Variants in ADAMTS17 observed in about 807,000 individuals in gnomAD.
The protein encoded by ADAMTS17 is A disintegrin and metalloproteinase with thrombospondin motifs 17.
ADAMTS17 carries 113 observed loss-of-function variants against 141.5 expected under a neutral mutation model. The ratio of observed to expected loss-of-function variants is 0.80; its 90% CI spans 0.69 to 0.93. The LOEUF (loss-of-function observed/expected upper bound fraction) is 0.93, where lower values mean the gene tolerates loss of function less well. Ranked by LOEUF, ADAMTS17 falls within the 40% of genes least tolerant of loss-of-function variation. The probability of loss-of-function intolerance (pLI) is 0.00; values close to 1 mark genes in which losing one functional copy is unlikely to be tolerated. For missense variants in ADAMTS17, 1,659 were observed against 1,517.9 expected (o/e 1.09, Z -1.54); for synonymous variants, 768 against 630.6 (o/e 1.22, Z -3.27).
In ADAMTS17 at chr15:99,997,563, C is replaced by A; in HGVS notation, c.2618G>T (p.Cys873Phe). Residue 873 changes from cysteine to phenylalanine, a missense_variant, in exon 19 of 22, where the codon TGC becomes TTC. Cys to Phe is a radical substitution (Grantham distance 205). Transcript: ENST00000268070. This position sits in a 1 kb window ranked among gnomAD's most constrained non-coding sequence, Gnocchi z 4.7. ...GAAGCCTTTCTCACAGGTCGCCGAGCAGGGGCTCCACGGGCCTGCCACCCA... is the reference window on the plus strand; with the variant it reads ...GAAGCCTTTCTCACAGGTCGCCGAGAAGGGGCTCCACGGGCCTGCCACCCA... ...SRWVAGPWSPCSATCEKGFQH... is the reference protein window; with the variant it reads ...SRWVAGPWSPFSATCEKGFQH... 6.2e-7 allele frequency: 1 copy of A among 1,613,386 alleles called. No individual in the cohort carries two copies.
At chr15:100,077,277 C>A (rs2034440738) in intron 15 of ADAMTS17, among the ~76,000 whole-genome samples, 1 of 86,204 alleles carries the variant, frequency 1.2e-5, no homozygotes, top group Admixed American at 1.8e-4. Flanking sequence ...AACCCTATCT[C>A]TACCACAAAA....
At chr15:100,264,978 A>T (rs535731916) in intron 4 of ADAMTS17, among the ~76,000 whole-genome samples, 2 of 152,372 alleles carry the variant, frequency 1.3e-5, no homozygotes, top group African/African-American at 4.8e-5. Flanking sequence ...TTTTACTACA[A>T]TTAAAAGTAC....
intron 8 of ADAMTS17, among the ~76,000 whole-genome samples, chr15:100,180,563 T>C (rs937063243): frequency 6.6e-6 from 1 of 152,210 alleles, no homozygotes; most frequent in African/African-American, 2.4e-5. Context: ...AGAATGTCAT[T>C]GATATTTTGA....
At chr15:100,086,602 T>C (rs2035117766) in intron 15 of ADAMTS17, among the ~76,000 whole-genome samples, 1 of 152,108 alleles carries the variant, frequency 6.6e-6, no homozygotes, top group East Asian at 1.9e-4. Context: ...GGAAGTGAAG[T>C]ACTCCTCAGC....
intron 15 of ADAMTS17, among the ~76,000 whole-genome samples, chr15:100,063,999 GA>G (rs2033327997): frequency 6.6e-6 from 1 of 152,136 alleles, no homozygotes; most frequent in East Asian, 1.9e-4. Context: ...TTCGTATGTT[GA>G]AGTTCTAACT....
At chr15:100,084,570 T>C (rs2034973864) in intron 15 of ADAMTS17, among the ~76,000 whole-genome samples, 1 of 151,934 alleles carries the variant, frequency 6.6e-6, no homozygotes, top group African/African-American at 2.4e-5. Flanking sequence ...GACCCCCGAG[T>C]AGCCTAAATG....
intron 10 of ADAMTS17, among the ~76,000 whole-genome samples, 192 bp downstream of exon 10, chr15:100,152,420 A>G (rs2039212154): frequency 6.6e-6 from 1 of 152,140 alleles, no homozygotes; most frequent in African/African-American, 2.4e-5. Flanking sequence ...ACATGTGCAA[A>G]TGCCTGTGAG....
intron 8 of ADAMTS17, among the ~76,000 whole-genome samples, chr15:100,163,804 T>G (rs1272513397): frequency 6.6e-6 from 1 of 152,212 alleles, no homozygotes; most frequent in Non-Finnish European, 1.5e-5. Flanking sequence ...TATTTTCACC[T>G]TTCACCCTTA....
At chr15:100,215,148 T>C (rs2041930661) in intron 7 of ADAMTS17, among the ~76,000 whole-genome samples, 1 of 152,226 alleles carries the variant, frequency 6.6e-6, no homozygotes. Context: ...GCAGCCCTCA[T>C]GCCTGCGTTT....
At chr15:100,001,951 T>A (rs1044409009) in intron 18 of ADAMTS17, among the ~76,000 whole-genome samples, 2 of 104,388 alleles carry the variant, frequency 1.9e-5, no homozygotes, top group African/African-American at 7.0e-5. Context: ...CCTGCCAGCC[T>A]TGGGGACAGA....
intron 7 of ADAMTS17, among the ~76,000 whole-genome samples, chr15:100,220,239 A>T (rs1464904793): frequency 1.3e-5 from 2 of 152,148 alleles, no homozygotes; most frequent in Non-Finnish European, 2.9e-5. Context: ...TAACCCTCGA[A>T]AAGTGGGAAA....
intron 3 of ADAMTS17, among the ~76,000 whole-genome samples, chr15:100,327,113 T>A (rs556310784): frequency 6.6e-6 from 1 of 152,302 alleles, no homozygotes; most frequent in South Asian, 2.1e-4. Flanking sequence ...AGGGTATAAA[T>A]AACTCCCACA....
intron 3 of ADAMTS17, among the ~76,000 whole-genome samples, chr15:100,297,839 T>C (rs2044878208): frequency 6.6e-6 from 1 of 151,986 alleles, no homozygotes; most frequent in African/African-American, 2.4e-5. Flanking sequence ...ACCACATGGC[T>C]AGATAGAAGA....
chr15:100,272,829 T>C, intron 4 of ADAMTS17, among the ~76,000 whole-genome samples: 1 of 151,592 alleles, frequency 6.6e-6, no homozygotes, highest in South Asian at 2.1e-4. Context: ...TAGCTGTGAG[T>C]TTTTCATATA....
intron 8 of ADAMTS17, among the ~76,000 whole-genome samples, chr15:100,198,736 CCT>C (rs1374830503): frequency 5.9e-5 from 9 of 152,164 alleles, no homozygotes; most frequent in African/African-American, 2.2e-4. Context: ...CTCAACAACC[CCT>C]CTGACGCTCT....
At chr15:100,051,319 C>T (rs2032120706) in intron 17 of ADAMTS17, among the ~76,000 whole-genome samples, 1 of 152,200 alleles carries the variant, frequency 6.6e-6, no homozygotes, top group South Asian at 2.1e-4. Flanking sequence ...CAGCCAAACC[C>T]CGCTTCACCC....
At chr15:99,991,979 A>G (rs1289790122) in intron 20 of ADAMTS17, among the ~76,000 whole-genome samples, 1 of 152,104 alleles carries the variant, frequency 6.6e-6, no homozygotes, top group African/African-American at 2.4e-5. Context: ...CAATGAGAAC[A>G]TATGGACACA....
chr15:100,054,171 AAGG>A, intron 15 of ADAMTS17, 117 bp from the exon 16 acceptor site: 8 of 1,194,786 alleles, frequency 6.7e-6, no homozygotes, highest in Non-Finnish European at 9.9e-6. Context: ...CCACAGGGGG[AAGG>A]AGGGAGGCCT....
intron 7 of ADAMTS17, among the ~76,000 whole-genome samples, chr15:100,252,100 C>T (rs901459700): frequency 6.6e-6 from 1 of 152,194 alleles, no homozygotes; most frequent in African/African-American, 2.4e-5. Flanking sequence ...GAAGTAGCTG[C>T]CTGCTCTTCA....
Sources: gnomAD v4.1 joint callset for allele counts (sites outside exome capture counted in the v4.1 genomes callset) on GRCh38, gnomAD v4.1.1 for gene constraint, Gnocchi (gnomAD v3.1) non-coding constraint, MANE v1.5 for transcripts, NCBI Gene and HGNC (gene_info 2026-07-23, HGNC 2026-07-21) for gene names.